The following ASIC2 variants were observed in gnomAD, a reference collection of about 807,000 sequenced individuals.
The protein encoded by ASIC2 is acid-sensing ion channel 2.
Under a neutral mutation model 57.3 loss-of-function variants are expected in ASIC2, and 25 were observed. The ratio of observed to expected loss-of-function variants is 0.44; its 90% confidence interval spans 0.32 to 0.61. ASIC2 has a LOEUF of 0.61. Among genes scored for constraint, ASIC2 ranks in the 20% least tolerant of loss-of-function variants. The pLI is 0.06. For synonymous variants in ASIC2, 319 were observed against 307.5 expected (o/e 1.04, Z -0.39); for missense variants, 641 against 738.1 (o/e 0.87, Z 1.52).
At chr17:33,234,139 T>C (rs1383171921) in intron 1 of ASIC2, among the ~76,000 whole-genome samples, 2 of 152,214 alleles carry the variant, frequency 1.3e-5, no homozygotes, top group Non-Finnish European at 2.9e-5. Flanking sequence ...CCAGAATGCC[T>C]GGAGCGATTT....
intron 1 of ASIC2, among the ~76,000 whole-genome samples, chr17:33,572,522 G>A (rs1050264952): frequency 6.6e-6 from 1 of 152,100 alleles, no homozygotes; most frequent in Non-Finnish European, 1.5e-5. Context: ...AAGGAAAGGG[G>A]GACTCAGGGA....
At chr17:33,668,793 G>A (rs1021133172) in intron 1 of ASIC2, among the ~76,000 whole-genome samples, 6 of 152,222 alleles carry the variant, frequency 3.9e-5, no homozygotes, top group African/African-American at 1.2e-4. Flanking sequence ...TTGGGACACC[G>A]TCTGGTATAC....
intron 1 of ASIC2, among the ~76,000 whole-genome samples, chr17:33,481,146 C>T (rs1041723144): frequency 6.6e-6 from 1 of 152,200 alleles, no homozygotes. Flanking sequence ...TTTTCTGGTG[C>T]CTGAGTTGCT....
At chr17:33,383,239 T>G (rs1416747380) in intron 1 of ASIC2, among the ~76,000 whole-genome samples, 1 of 152,208 alleles carries the variant, frequency 6.6e-6, no homozygotes, top group Non-Finnish European at 1.5e-5. Context: ...AAAAGTGATT[T>G]TATACCCTTT....
intron 1 of ASIC2, among the ~76,000 whole-genome samples, chr17:33,989,949 G>A (rs1905950159): frequency 6.6e-6 from 1 of 152,156 alleles, no homozygotes; most frequent in South Asian, 2.1e-4. Context: ...GGCACTTCCG[G>A]TGATATTGAC....
chr17:33,033,739 T>C (rs2091896354), intron 3 of ASIC2, among the ~76,000 whole-genome samples: 1 of 152,172 alleles, frequency 6.6e-6, no homozygotes, highest in Non-Finnish European at 1.5e-5. Context: ...AGAGAAGGCC[T>C]GAAGGCTGTG....
At chr17:34,018,584 T>C (rs1173148195) in intron 1 of ASIC2, among the ~76,000 whole-genome samples, 6 of 152,222 alleles carry the variant, frequency 3.9e-5, no homozygotes, top group Non-Finnish European at 8.8e-5. Flanking sequence ...CCATTCTAGA[T>C]ATAATTAAGA....
At chr17:33,501,320 C>T (rs1045684831) in intron 1 of ASIC2, among the ~76,000 whole-genome samples, 5 of 152,222 alleles carry the variant, frequency 3.3e-5, no homozygotes, top group Admixed American at 3.3e-4. Context: ...TATAGCATCT[C>T]TGCTGCCTGT....
intron 1 of ASIC2, among the ~76,000 whole-genome samples, chr17:34,131,145 G>A (rs1056554008): frequency 6.6e-6 from 1 of 152,144 alleles, no homozygotes; most frequent in South Asian, 2.1e-4. Context: ...GTATATTACG[G>A]CAGAGTTAGG....
At chr17:33,311,186 A>AT (rs1233503658) in intron 1 of ASIC2, among the ~76,000 whole-genome samples, 6 of 152,220 alleles carry the variant, frequency 3.9e-5, no homozygotes, top group East Asian at 1.9e-4. Context: ...ATCTCATCTG[A>AT]TTTTTTCAAC....
intron 1 of ASIC2, among the ~76,000 whole-genome samples, chr17:33,619,504 T>C (rs1905712667): frequency 2.0e-5 from 3 of 152,156 alleles, no homozygotes; most frequent in Non-Finnish European, 4.4e-5. Flanking sequence ...AGAGCACGAA[T>C]TCACAGAATC....
chr17:33,405,923 C>T (rs544770326), intron 1 of ASIC2, among the ~76,000 whole-genome samples: 72 of 152,228 alleles, frequency 4.7e-4, no homozygotes, highest in African/African-American at 1.5e-3. Flanking sequence ...CAGTTAGAGA[C>T]GACCCTGCCA....
In ASIC2 at chr17:33,293,184, T is replaced by A. The variant is rs1196846652; in HGVS notation, c.-1069A>T. 6.6e-6 allele frequency among the ~76,000 whole-genome samples: 1 copy of A among 152,154 alleles called. No homozygotes were observed. The highest frequency in any genetic ancestry group is 2.4e-5 in the African/African-American group (1 of 41,450). On this transcript the variant is annotated 5_prime_UTR_variant, in exon 1 of 10. Transcript: ENST00000225823. Reference sequence around the variant, plus strand: ...GACGCCGGCTAAGCTCCTTCCCCGGTTGCCCGGGAGAACCCTCTTTGGGCC... The same window carrying A: ...GACGCCGGCTAAGCTCCTTCCCCGGATGCCCGGGAGAACCCTCTTTGGGCC...
intron 1 of ASIC2, among the ~76,000 whole-genome samples, chr17:33,478,290 G>A (rs914103940): frequency 4.6e-5 from 7 of 152,228 alleles, no homozygotes; most frequent in African/African-American, 9.6e-5. Flanking sequence ...CCCTTTGGGC[G>A]CCCAGGGGCT....
At chr17:33,731,583 G>C (rs998958227) in intron 1 of ASIC2, among the ~76,000 whole-genome samples, 2 of 152,222 alleles carry the variant, frequency 1.3e-5, no homozygotes, top group African/African-American at 4.8e-5. Context: ...AATATACAGA[G>C]AGATTGATGG....
chr17:33,797,572 C>T (rs1911954778), intron 1 of ASIC2, among the ~76,000 whole-genome samples: 1 of 152,098 alleles, frequency 6.6e-6, no homozygotes. Context: ...AATAAATATG[C>T]ATGTTGATGT....
chr17:34,099,770 G>GAA (rs1377751651), intron 1 of ASIC2, among the ~76,000 whole-genome samples: 2 of 36,404 alleles, frequency 5.5e-5, no homozygotes, highest in Non-Finnish European at 1.3e-4. Context: ...AAGAAAGAAA[G>GAA]AAAGAAAGAA....
At chr17:33,546,829 A>G (rs1915592523) in intron 1 of ASIC2, among the ~76,000 whole-genome samples, 1 of 151,948 alleles carries the variant, frequency 6.6e-6, no homozygotes, top group South Asian at 2.1e-4. Flanking sequence ...ACAGGACCTC[A>G]CTCCCAGCTC....
At chr17:33,810,761 T>C (rs1434848100) in intron 1 of ASIC2, among the ~76,000 whole-genome samples, 5 of 152,290 alleles carry the variant, frequency 3.3e-5, no homozygotes, top group East Asian at 3.9e-4. Flanking sequence ...GAAAGATGAA[T>C]GTTTTTATGT....
Sources: gnomAD v4.1 joint callset for allele counts (sites outside exome capture counted in the v4.1 genomes callset) on GRCh38, gnomAD v4.1.1 for gene constraint, MANE v1.5 for transcripts, NCBI Gene and HGNC (gene_info 2026-07-23, HGNC 2026-07-21) for gene names.